ACSL4: variants seen among roughly 807,000 people sequenced by gnomAD.
The protein encoded by ACSL4 is long-chain-fatty-acid--CoA ligase 4.
In ACSL4, 9 loss-of-function variants were observed where a neutral mutation model predicts 49.1. The ratio of observed to expected loss-of-function variants is 0.18; its 90% CI spans 0.11 to 0.32. The LOEUF (loss-of-function observed/expected upper bound fraction) is 0.32, where lower values mean the gene tolerates loss of function less well. ACSL4 is among the 10% of genes least tolerant of loss of function. The pLI, the probability that ACSL4 is intolerant of heterozygous loss-of-function variation, is 1.00. For synonymous variants in ACSL4, 191 were observed against 170.3 expected (o/e 1.12, Z -0.95); for missense variants, 333 against 493.7 (o/e 0.67, Z 3.08).
At chrX:109,724,776 G>A (rs1258593876) in intron 1 of ACSL4, among the ~76,000 whole-genome samples, 1 of 110,070 alleles carries the variant, frequency 9.1e-6, no homozygotes, top group Non-Finnish European at 1.9e-5. Flanking sequence ...GCCGGGTGTG[G>A]TGGTGGGCAC....
At chrX:109,645,109 T>C (rs1315190526) in intron 15 of ACSL4, among the ~76,000 whole-genome samples, 11 of 113,007 alleles carry the variant, frequency 9.7e-5, no homozygotes, top group East Asian at 2.8e-4. Context: ...GCGCCCGCCA[T>C]TGCCCAGGCT....
At chrX:109,730,730 G>A (rs763947311) in intron 1 of ACSL4, among the ~76,000 whole-genome samples, 3 of 112,337 alleles carry the variant, frequency 2.7e-5, no homozygotes, top group East Asian at 2.8e-4. Flanking sequence ...GCGGTGGCGC[G>A]ATCTCGGCTC....
chrX:109,678,930 C>CAG (rs1387797756), intron 6 of ACSL4, among the ~76,000 whole-genome samples: 2 of 112,074 alleles, frequency 1.8e-5, no homozygotes, highest in East Asian at 5.5e-4. Flanking sequence ...GTGTTGTATA[C>CAG]AGAGCAATGT....
At chrX:109,720,775 G>A (rs1927484329) in intron 1 of ACSL4, among the ~76,000 whole-genome samples, 1 of 111,683 alleles carries the variant, frequency 9.0e-6, no homozygotes, top group Admixed American at 9.5e-5. Context: ...GTACAGAAGG[G>A]ACCCCAATGC....
At chrX:109,681,769 C>T (rs1924182259) in intron 4 of ACSL4, among the ~76,000 whole-genome samples, 1 of 111,899 alleles carries the variant, frequency 8.9e-6, no homozygotes, top group Non-Finnish European at 1.9e-5. Context: ...ATGGATAAGT[C>T]CTTGAAAATC....
rs10126612 is a variant in ACSL4, at chrX:109,643,871, C to T, written c.*158G>A. ...TATGCAAAACTAAGTTAAAGTAAAC[C>T]GGACAACAATTTTAATAACTTTTGG... On this transcript the variant is annotated 3_prime_UTR_variant, in exon 16 of 16. Coordinates refer to ENST00000672401, the MANE Select transcript of ACSL4 (RefSeq NM_001318510.2). 6,094 of 614,092 alleles carry T rather than the reference C, an allele frequency of 9.9e-3. 68 individuals carry two copies. Among genetic ancestry groups the T allele is most frequent in the East Asian group, 0.045 (1,256 of 27,842 alleles). 50.6% of individuals were successfully genotyped at this position (614,092 alleles called of 1,213,427 possible). A position where few individuals can be genotyped will look rare whatever the true frequency, so the allele number is the denominator to read the frequency against.
intron 8 of ACSL4, 103 bp from the exon 9 acceptor site, chrX:109,674,576 CT>C: frequency 1.7e-6 from 1 of 575,448 alleles, no homozygotes; most frequent in Non-Finnish European, 2.9e-6. Flanking sequence ...GGAATTTGAG[CT>C]TTTATTGCTC....
At chrX:109,704,927 A>ATC (rs924512004) in intron 1 of ACSL4, among the ~76,000 whole-genome samples, 44 of 106,605 alleles carry the variant, frequency 4.1e-4, no homozygotes, top group Non-Finnish European at 4.7e-4. Context: ...AAGTGTTTTC[A>ATC]TCTCTCTCTC....
At chrX:109,670,872 C>G (rs1433765906) in intron 9 of ACSL4, among the ~76,000 whole-genome samples, 1 of 112,723 alleles carries the variant, frequency 8.9e-6, no homozygotes, top group Non-Finnish European at 1.9e-5. Flanking sequence ...AGTGATCTGC[C>G]AGCCTCGGCC....
At chrX:109,682,996 C>A in intron 3 of ACSL4, 100 bp from the exon 4 acceptor site, 1 of 1,049,934 alleles carries the variant, frequency 9.5e-7, no homozygotes, top group Non-Finnish European at 1.3e-6. Flanking sequence ...AATGAACATA[C>A]AGAAGCTATG....
intron 8 of ACSL4, among the ~76,000 whole-genome samples, chrX:109,675,238 A>C (rs1209768085): frequency 8.9e-6 from 1 of 112,883 alleles, no homozygotes; most frequent in Non-Finnish European, 1.9e-5. Flanking sequence ...CATGCTACTG[A>C]CCAGCTCTTG....
In ACSL4 at chrX:109,653,171, T is replaced by C. The variant is rs1283474372; in HGVS notation, c.1855+6183A>G. Among the ~76,000 whole-genome samples the C allele has an allele frequency of 1.8e-5, 2 of 111,207 alleles. 1 individual carries two copies. The highest frequency in any genetic ancestry group is 8.5e-3 in the Middle Eastern group (2 of 236). On this transcript the variant is annotated intron_variant, in intron 15 of 15. Coordinates refer to ENST00000672401, the MANE Select transcript of ACSL4 (RefSeq NM_001318510.2). ...TGAGGAAAAAAGTCTTTAAAATATA[T>C]ATTCTTATGCAGCCAAAAGACACAT...
intron 2 of ACSL4, among the ~76,000 whole-genome samples, chrX:109,688,640 T>C (rs1270847857): frequency 9.0e-6 from 1 of 111,066 alleles, no homozygotes; most frequent in Non-Finnish European, 1.9e-5. Flanking sequence ...CTCATCAGGG[T>C]CTCCAATGAC....
At chrX:109,715,018 G>C (rs557509926) in intron 1 of ACSL4, among the ~76,000 whole-genome samples, 1 of 111,947 alleles carries the variant, frequency 8.9e-6, no homozygotes, top group African/African-American at 3.2e-5. Context: ...GCTGAGGTAG[G>C]GGGGATCCCT....
chrX:109,700,646 TATAAC>T (rs1925844432), intron 1 of ACSL4, among the ~76,000 whole-genome samples: 2 of 111,549 alleles, frequency 1.8e-5, no homozygotes, highest in South Asian at 3.7e-4. Context: ...AAATAAATGT[TATAAC>T]ATAAGTACAA....
chrX:109,661,456 T>C, intron 14 of ACSL4, 75 bp downstream of exon 14: 1 of 730,499 alleles, frequency 1.4e-6, no homozygotes. Context: ...GTTACCCTTA[T>C]GATAATATGT....
chrX:109,655,571 G>A (rs1033010891), intron 15 of ACSL4, among the ~76,000 whole-genome samples: 1 of 111,117 alleles, frequency 9.0e-6, no homozygotes, highest in African/African-American at 3.3e-5. Flanking sequence ...GACACACAGG[G>A]TGGGGGGAAT....
chrX:109,699,636 T>C (rs1250481654), intron 1 of ACSL4, among the ~76,000 whole-genome samples: 3 of 111,921 alleles, frequency 2.7e-5, no homozygotes, highest in East Asian at 5.6e-4. Context: ...TACATATTCA[T>C]AGAAAAATTA....
rs760858957 is a variant in ACSL4 at position 109,724,348 on chromosome X, C to T, written c.-66+8791G>A. ...GGAATGCAGTGGAGTGACCTTGGAT[C>T]GCTGCAACCTCTGCCTCCCGGGCAC... On this transcript the variant is annotated intron_variant, in intron 1 of 15. Transcript: ENST00000672401. Among the ~76,000 whole-genome samples the T allele has an allele frequency of 1.4e-4, 15 of 111,066 alleles. No homozygotes were observed. The East Asian group carries it at 3.7e-3, about 27-fold the overall frequency.
Sources: allele counts gnomAD v4.1 joint callset (sites outside exome capture counted in the v4.1 genomes callset), GRCh38; gene constraint gnomAD v4.1.1; transcripts MANE v1.5; gene names NCBI Gene and HGNC (gene_info 2026-07-23, HGNC 2026-07-21).